The following SKAP1 variants were observed in gnomAD, a reference collection of about 807,000 sequenced individuals.
SKAP1 encodes src kinase-associated phosphoprotein 1.
A neutral mutation model predicts 58.5 loss-of-function variants in SKAP1; 44 were observed. That is an observed-to-expected ratio of 0.75 (90% CI 0.59 to 0.97). SKAP1 has a LOEUF of 0.97. SKAP1 is among the 50% of genes least tolerant of loss of function. The pLI is 0.00. For synonymous variants in SKAP1, 127 were observed against 149.7 expected (o/e 0.85, Z 1.11); for missense variants, 390 against 435.2 (o/e 0.90, Z 0.92).
At chr17:48,347,993 C>A (rs2066745161) in intron 3 of SKAP1, among the ~76,000 whole-genome samples, 1 of 152,096 alleles carries the variant, frequency 6.6e-6, no homozygotes, top group Admixed American at 6.5e-5. Context: ...AACTATTATT[C>A]TGGACTTAAA....
chr17:48,372,009 G>A (rs1386145286), intron 2 of SKAP1, among the ~76,000 whole-genome samples: 2 of 152,056 alleles, frequency 1.3e-5, no homozygotes, highest in Non-Finnish European at 2.9e-5. Context: ...GTCTCACTCT[G>A]TCACCCAGGC....
chr17:48,435,028 G>A (rs1598698863), upstream of SKAP1, among the ~76,000 whole-genome samples: 1 of 152,192 alleles, frequency 6.6e-6, no homozygotes, highest in East Asian at 1.9e-4. Flanking sequence ...GCATAAGCCT[G>A]TAGTCCCAGC....
At chr17:48,340,868 A>C (rs2066642169) in intron 4 of SKAP1, among the ~76,000 whole-genome samples, 1 of 152,200 alleles carries the variant, frequency 6.6e-6, no homozygotes, top group South Asian at 2.1e-4. Flanking sequence ...TTTAAAAATC[A>C]ACATTATATC....
intron 4 of SKAP1, among the ~76,000 whole-genome samples, chr17:48,205,872 C>A (rs892264738): frequency 2.6e-5 from 4 of 152,052 alleles, no homozygotes; most frequent in Admixed American, 2.6e-4. Flanking sequence ...AAGAAATTGA[C>A]CTCCCAGGCA....
chr17:48,322,951 C>G (rs2066388768), intron 4 of SKAP1, among the ~76,000 whole-genome samples: 1 of 151,910 alleles, frequency 6.6e-6, no homozygotes, highest in Non-Finnish European at 1.5e-5. Flanking sequence ...CAAAAATTAG[C>G]CAGGCGTGGT....
intron 4 of SKAP1, among the ~76,000 whole-genome samples, chr17:48,339,115 AAC>A (rs1206206704): frequency 1.3e-5 from 2 of 152,214 alleles, no homozygotes; most frequent in Non-Finnish European, 2.9e-5. Context: ...TGGCTCCAAA[AAC>A]ACAGACATGG....
chr17:48,239,829 T>TGAGAGAGA (rs143281552), intron 4 of SKAP1, among the ~76,000 whole-genome samples: 1 of 138,730 alleles, frequency 7.2e-6, no homozygotes, highest in Admixed American at 7.2e-5. Context: ...GTAATTAGAA[T>TGAGAGAGA]GAGAGAGAGA....
chr17:48,215,294 G>A (rs2064925358), intron 4 of SKAP1, among the ~76,000 whole-genome samples: 1 of 152,156 alleles, frequency 6.6e-6, no homozygotes, highest in Non-Finnish European at 1.5e-5. Context: ...CCTTGGGTGG[G>A]TATGGAGGAA....
chr17:48,143,254 G>C (rs2063790789), intron 11 of SKAP1, among the ~76,000 whole-genome samples: 1 of 148,986 alleles, frequency 6.7e-6, no homozygotes, highest in Non-Finnish European at 1.5e-5. Context: ...AAGTGCAGTG[G>C]CATGATCTCG....
chr17:48,197,319 A>G (rs1447677951), intron 4 of SKAP1, among the ~76,000 whole-genome samples: 3 of 151,722 alleles, frequency 2.0e-5, no homozygotes, highest in Admixed American at 2.0e-4. Flanking sequence ...CTTCTGATGC[A>G]AGGGTGATCA....
At chr17:48,379,058 GAA>G (rs2067183394) in intron 2 of SKAP1, among the ~76,000 whole-genome samples, 1 of 152,024 alleles carries the variant, frequency 6.6e-6, no homozygotes, top group African/African-American at 2.4e-5. Flanking sequence ...AAAAAAGAAA[GAA>G]AATCAAAGTA....
At chr17:48,289,357 A>T (rs2065873109) in intron 4 of SKAP1, among the ~76,000 whole-genome samples, 1 of 152,186 alleles carries the variant, frequency 6.6e-6, no homozygotes, top group Admixed American at 6.5e-5. Flanking sequence ...TTTAAAAAAA[A>T]ATTTGATATC....
At chr17:48,230,989 G>A (rs1393483442) in intron 4 of SKAP1, among the ~76,000 whole-genome samples, 8 of 152,288 alleles carry the variant, frequency 5.3e-5, no homozygotes, top group African/African-American at 1.9e-4. Flanking sequence ...AGGTAGATGT[G>A]ATACAGATGA....
At chr17:48,353,144 A>G (rs965838168) in intron 3 of SKAP1, among the ~76,000 whole-genome samples, 7 of 152,200 alleles carry the variant, frequency 4.6e-5, no homozygotes, top group Non-Finnish European at 8.8e-5. Flanking sequence ...ATTATCGAGT[A>G]ATGTAGTAAT....
intron 4 of SKAP1, among the ~76,000 whole-genome samples, chr17:48,334,138 A>G (rs9303542): frequency 0.33 from 50,601 of 151,674 alleles, 9,134 homozygotes; most frequent in African/African-American, 0.47. Flanking sequence ...ATACCCCAAG[A>G]GACCCTGACA....
chr17:48,414,899 G>A (rs1366501836), intron 1 of SKAP1, among the ~76,000 whole-genome samples: 1 of 152,132 alleles, frequency 6.6e-6, no homozygotes, highest in African/African-American at 2.4e-5. Context: ...CATTCACAAA[G>A]CTGCTCTTCT....
chr17:48,238,811 C>G (rs781195222), intron 4 of SKAP1, among the ~76,000 whole-genome samples: 6 of 152,160 alleles, frequency 3.9e-5, no homozygotes, highest in Non-Finnish European at 8.8e-5. Flanking sequence ...TGATCCTTGT[C>G]ACACTTTATT....
chr17:48,382,702 G>T (rs1053494193), intron 2 of SKAP1: 1 of 152,190 alleles, frequency 6.6e-6, no homozygotes, highest in Non-Finnish European at 1.5e-5. Flanking sequence ...ACTGTGCATT[G>T]CCTGTAATAG....
intron 2 of SKAP1, among the ~76,000 whole-genome samples, chr17:48,376,255 C>T (rs765619666): frequency 2.4e-4 from 37 of 151,938 alleles, no homozygotes; most frequent in Non-Finnish European, 3.7e-4. Flanking sequence ...CATATACTCA[C>T]TGAATTTTAC....
Sources: allele counts gnomAD v4.1 joint callset (sites outside exome capture counted in the v4.1 genomes callset), GRCh38; gene constraint gnomAD v4.1.1; transcripts MANE v1.5; gene names NCBI Gene and HGNC (gene_info 2026-07-23, HGNC 2026-07-21).